RNF216: variants seen among roughly 807,000 people sequenced by gnomAD.
RNF216 encodes ring finger protein 216.
In RNF216, 72 loss-of-function variants were observed where a neutral mutation model predicts 110.8. That is an observed-to-expected ratio of 0.65 (90% CI 0.54 to 0.79). RNF216 has a LOEUF of 0.79. RNF216 is among the 30% of genes least tolerant of loss of function. RNF216 has a pLI of 0.00. For missense variants in RNF216, 1,342 were observed against 1,141.2 expected (o/e 1.18, Z -2.54); for synonymous variants, 495 against 407.5 (o/e 1.21, Z -2.59).
At chr7:5,721,289 T>A (rs1793410140) in intron 8 of RNF216, 117 bp from the exon 9 acceptor site, 2 of 904,178 alleles carry the variant, frequency 2.2e-6, no homozygotes, top group African/African-American at 1.7e-5. Flanking sequence ...GTACGTTTCA[T>A]GACTTTTCTA....
chr7:5,769,519 T>TCC (rs1049183289), intron 1 of RNF216, among the ~76,000 whole-genome samples: 3 of 149,686 alleles, frequency 2.0e-5, no homozygotes, highest in African/African-American at 7.4e-5. Context: ...GCTCAGGAGT[T>TCC]CAAGACCAGC....
intron 13 of RNF216, among the ~76,000 whole-genome samples, chr7:5,678,922 T>C (rs10230002): frequency 0.066 from 10,004 of 152,264 alleles, 1,099 homozygotes; most frequent in African/African-American, 0.23. Context: ...GGCTGGTTTA[T>C]CAGTTGCTCT....
At chr7:5,719,531 G>A (rs1206863595) in intron 9 of RNF216, among the ~76,000 whole-genome samples, 1 of 152,116 alleles carries the variant, frequency 6.6e-6, no homozygotes, top group Non-Finnish European at 1.5e-5. Context: ...TAACTTGAAG[G>A]GGCAGCCAAT....
At chr7:5,733,316 C>CA (rs1794198883) in intron 5 of RNF216, among the ~76,000 whole-genome samples, 1 of 152,088 alleles carries the variant, frequency 6.6e-6, no homozygotes, top group Admixed American at 6.6e-5. Context: ...CTGAGTGACA[C>CA]AAAAAGCACA....
At chr7:5,724,348 T>C (rs1416522650) in intron 8 of RNF216, among the ~76,000 whole-genome samples, 3 of 152,174 alleles carry the variant, frequency 2.0e-5, no homozygotes, top group African/African-American at 4.8e-5. Flanking sequence ...GGAAGAACTG[T>C]CTAAAAGACA....
At chr7:5,653,781 G>C (rs78890032) in intron 13 of RNF216, among the ~76,000 whole-genome samples, 2,875 of 152,160 alleles carry the variant, frequency 0.019, 84 homozygotes, top group African/African-American at 0.064. Context: ...TGAGGCCTGA[G>C]ATCCAAAGGA....
intron 1 of RNF216, chr7:5,775,078 C>T (rs1253076826): frequency 6.6e-6 from 1 of 152,118 alleles, no homozygotes; most frequent in Non-Finnish European, 1.5e-5. Context: ...TTTCCAATGC[C>T]TAGCACAGTT....
intron 11 of RNF216, among the ~76,000 whole-genome samples, chr7:5,714,830 C>A (rs893934591): frequency 6.6e-6 from 1 of 152,152 alleles, no homozygotes; most frequent in Non-Finnish European, 1.5e-5. Flanking sequence ...TGCTCCTCTG[C>A]GGCTAGGCGT....
intron 13 of RNF216, among the ~76,000 whole-genome samples, chr7:5,676,674 G>C (rs1050781724): frequency 6.6e-6 from 1 of 152,222 alleles, no homozygotes; most frequent in East Asian, 1.9e-4. Flanking sequence ...GCTTCCGGCT[G>C]AAAAGTCTGG....
chr7:5,690,092 G>T (rs1481327125), intron 13 of RNF216, among the ~76,000 whole-genome samples: 1 of 152,146 alleles, frequency 6.6e-6, no homozygotes, highest in Admixed American at 6.5e-5. Context: ...ACTCTGGGAG[G>T]CTTAGGCGGG....
Position 5,680,546 on chromosome 7 carries a change from C to CG in RNF216, c.2062-28037dup, listed in dbSNP as rs1790584514. ...CCTCCTGAGTAGCTGGGACTACAGG[C>CG]GCGCACCACCATGCTCAGCTAATTT... is the stretch of plus-strand genomic sequence containing the variant. On this transcript the variant is annotated intron_variant, in intron 13 of 16. Transcript: ENST00000389902. The surrounding 1 kb of genome is among the most constrained non-coding windows in gnomAD (Gnocchi z 4.3). 2 of 152,238 alleles carry CG rather than the reference C, an allele frequency of 1.3e-5. No homozygotes were observed. The highest frequency in any genetic ancestry group is 4.8e-5 in the African/African-American group (2 of 41,390). The allele number at this position is 152,238 out of a possible 1,614,324, so 9.4% of individuals were successfully genotyped here. A position where few individuals can be genotyped will look rare whatever the true frequency, so the allele number is the denominator to read the frequency against.
At chr7:5,743,232 A>G (rs1025835801) in intron 3 of RNF216, among the ~76,000 whole-genome samples, 1 of 152,154 alleles carries the variant, frequency 6.6e-6, no homozygotes, top group Non-Finnish European at 1.5e-5. Flanking sequence ...ACAGCACTCC[A>G]GCCTGGAGAC....
At chr7:5,650,873 C>A (rs1788344742) in intron 14 of RNF216, among the ~76,000 whole-genome samples, 1 of 152,206 alleles carries the variant, frequency 6.6e-6, no homozygotes, top group South Asian at 2.1e-4. Context: ...TGGTACCCAC[C>A]TGTGCTGCAT....
chr7:5,660,538 T>C (rs1025400127), intron 13 of RNF216, among the ~76,000 whole-genome samples: 3 of 151,808 alleles, frequency 2.0e-5, no homozygotes, highest in African/African-American at 7.3e-5. Context: ...GATCCACCCA[T>C]CTCGGCCTCC....
At chr7:5,748,111 T>G (rs937138599) in intron 3 of RNF216, among the ~76,000 whole-genome samples, 8 of 152,182 alleles carry the variant, frequency 5.3e-5, no homozygotes, top group African/African-American at 1.9e-4. Context: ...AACTCTGATT[T>G]ACAACCCAGA....
At chr7:5,678,430 C>G (rs114205736) in intron 13 of RNF216, among the ~76,000 whole-genome samples, 4 of 152,174 alleles carry the variant, frequency 2.6e-5, no homozygotes, top group African/African-American at 9.7e-5. Flanking sequence ...TACCACCTCC[C>G]CAAGCGCAGA....
At chr7:5,664,071 A>C (rs963098313) in intron 13 of RNF216, among the ~76,000 whole-genome samples, 1 of 152,120 alleles carries the variant, frequency 6.6e-6, no homozygotes, top group Non-Finnish European at 1.5e-5. Flanking sequence ...AGGGCCTAGC[A>C]CTAGATTTGA....
intron 13 of RNF216, among the ~76,000 whole-genome samples, chr7:5,660,883 T>A (rs1159348895): frequency 6.6e-6 from 1 of 150,916 alleles, no homozygotes; most frequent in Non-Finnish European, 1.5e-5. Flanking sequence ...GGAACATCTT[T>A]AACAGAGGTC....
chr7:5,634,951 C>T lies in RNF216; in HGVS notation c.2382+6203G>A, dbSNP rs148575313. The stretch of plus-strand genomic sequence containing the variant: ...ATTCATCCATGGGGAAAGAGTCTGG[C>T]GAGGTCCCCACCCCTCTGCAAGGGC... On this transcript the variant is annotated intron_variant, in intron 15 of 16. Coordinates refer to ENST00000389902, the MANE Select transcript of RNF216 (RefSeq NM_207111.4). Among the ~76,000 whole-genome samples the T allele has an allele frequency of 5.7e-4, 86 of 152,200 alleles. 1 individual carries two copies. Among genetic ancestry groups the T allele is most frequent in the African/African-American group, 2.0e-3 (81 of 41,518 alleles).
Sources: gnomAD v4.1 joint callset for allele counts (sites outside exome capture counted in the v4.1 genomes callset) on GRCh38, gnomAD v4.1.1 for gene constraint, Gnocchi (gnomAD v3.1) non-coding constraint, MANE v1.5 for transcripts, NCBI Gene and HGNC (gene_info 2026-07-23, HGNC 2026-07-21) for gene names.